The following BRDT variants were observed in gnomAD, a reference collection of about 807,000 sequenced individuals.
BRDT encodes the protein bromodomain testis associated, also known as bromodomain testis-specific protein.
Under a neutral mutation model 113.9 loss-of-function variants are expected in BRDT, and 77 were observed. The ratio of observed to expected loss-of-function variants is 0.68; its 90% confidence interval spans 0.56 to 0.82. The LOEUF (loss-of-function observed/expected upper bound fraction) is 0.82. Ranked by LOEUF, BRDT falls within the 40% of genes least tolerant of loss-of-function variation. The probability of loss-of-function intolerance (pLI) is 0.00; values close to 1 mark genes in which losing one functional copy is unlikely to be tolerated. For synonymous variants in BRDT, 358 were observed against 366.5 expected, an observed-to-expected ratio of 0.98 and a Z score of 0.26; for missense variants, 1,027 against 1,105.4, an observed-to-expected ratio of 0.93 and a Z score of 1.01.
intron 18 of BRDT, among the ~76,000 whole-genome samples, chr1:92,006,530 G>A (rs1687320469): frequency 6.6e-6 from 1 of 150,836 alleles, no homozygotes; most frequent in African/African-American, 2.4e-5. Flanking sequence ...GCAGTGGTGT[G>A]ATCTCGGCTC....
intron 3 of BRDT, among the ~76,000 whole-genome samples, chr1:91,967,063 C>A (rs1172121719): frequency 6.6e-6 from 1 of 151,838 alleles, no homozygotes; most frequent in Non-Finnish European, 1.5e-5. Flanking sequence ...AGTGAGACTT[C>A]GTCGTTGAAT....
intron 5 of BRDT, 82 bp downstream of exon 5, chr1:91,976,520 G>T: frequency 7.7e-7 from 1 of 1,298,704 alleles, no homozygotes; most frequent in South Asian, 1.8e-5. Flanking sequence ...AGTCTTCAGC[G>T]TCTAGCAATT....
intron 1 of BRDT, chr1:91,957,604 C>T (rs996596826): frequency 1.3e-5 from 2 of 152,174 alleles, no homozygotes; most frequent in Non-Finnish European, 1.5e-5. Context: ...CAGAGTGGTA[C>T]GTTTGTTACA....
chr1:91,950,173 G>C (rs1021411234), intron 1 of BRDT: 3 of 152,292 alleles, frequency 2.0e-5, no homozygotes, highest in African/African-American at 7.2e-5. Context: ...AGGAGGCCGG[G>C]TGCAGTGGCT....
chr1:91,962,984 A>T, intron 2 of BRDT, 38 bp downstream of exon 2: 2 of 1,439,364 alleles, frequency 1.4e-6, no homozygotes, highest in Non-Finnish European at 1.9e-6. Context: ...TCAAAAAAAG[A>T]AAACTCCTGT....
At chr1:91,976,524 A>G (rs1684157426) in intron 5 of BRDT, 86 bp downstream of exon 5, 1 of 1,280,468 alleles carries the variant, frequency 7.8e-7, no homozygotes, top group South Asian at 1.8e-5. Flanking sequence ...TTCAGCGTCT[A>G]GCAATTTTTC....
chr1:91,951,861 C>T (rs891052405), intron 1 of BRDT, among the ~76,000 whole-genome samples: 118 of 152,126 alleles, frequency 7.8e-4, no homozygotes, highest in African/African-American at 2.8e-3. Context: ...GCCTGGCCAA[C>T]ATGGCGAAAC....
intron 6 of BRDT, among the ~76,000 whole-genome samples, chr1:91,977,748 C>G (rs564037986): frequency 1.3e-5 from 2 of 150,914 alleles, no homozygotes; most frequent in East Asian, 3.9e-4. Flanking sequence ...GCATGCCTAT[C>G]GTTCCAGCTA....
intron 4 of BRDT, among the ~76,000 whole-genome samples, chr1:91,974,939 A>C (rs539228366): frequency 1.3e-5 from 2 of 152,352 alleles, no homozygotes; most frequent in African/African-American, 4.8e-5. Context: ...ATACCATGGA[A>C]TACTATGAAG....
chr1:91,955,350 A>C (rs1405690920), intron 1 of BRDT, among the ~76,000 whole-genome samples: 1 of 152,052 alleles, frequency 6.6e-6, no homozygotes, highest in East Asian at 1.9e-4. Context: ...GCTACTAGGG[A>C]GGCTGAGGCA....
intron 1 of BRDT, among the ~76,000 whole-genome samples, chr1:91,958,775 GCGGGGAAC>G (rs1682083987): frequency 6.6e-6 from 1 of 152,068 alleles, no homozygotes; most frequent in African/African-American, 2.4e-5. Context: ...AGAAAATGAG[GCGGGGAAC>G]CGTGGGCTTA....
chr1:91,969,634 A>G (rs925908245), intron 4 of BRDT, among the ~76,000 whole-genome samples: 20 of 152,030 alleles, frequency 1.3e-4, no homozygotes, highest in African/African-American at 4.8e-4. Context: ...GACTTAATTT[A>G]TTACCCTTAG....
chr1:91,977,019 T>C (rs1684206482), intron 5 of BRDT, 24 bp from the exon 6 acceptor site: 4 of 1,506,636 alleles, frequency 2.7e-6, no homozygotes, highest in Non-Finnish European at 3.6e-6. Context: ...AATATATTTT[T>C]GTTGTTGAAT....
At chr1:92,000,537 C>G (rs1031673945) in intron 15 of BRDT, among the ~76,000 whole-genome samples, 1 of 152,172 alleles carries the variant, frequency 6.6e-6, no homozygotes, top group African/African-American at 2.4e-5. Context: ...TTCTTCTAAC[C>G]TCAACCTCAG....
chr1:91,986,041 G>A (rs1342526986), intron 12 of BRDT, among the ~76,000 whole-genome samples: 1 of 152,170 alleles, frequency 6.6e-6, no homozygotes, highest in East Asian at 1.9e-4. Flanking sequence ...GTCAGCATAT[G>A]CAGATAAGTC....
chr1:92,008,251 T>C lies in BRDT; in HGVS notation c.2775+2952T>C, dbSNP rs1412696323. Among the ~76,000 whole-genome samples the C allele has an allele frequency of 3.3e-5, 5 of 152,336 alleles. No homozygotes were observed. The East Asian group carries it at 5.8e-4, about 18-fold the overall frequency. ...TGTTTAGATCCAGATATCCAAATAG[T>C]GTAATTTTCCTTTTGCATAAAGGAC... On this transcript the variant is annotated intron_variant, in intron 18 of 18. Coordinates refer to ENST00000399546, the MANE Select transcript of BRDT (RefSeq NM_207189.4).
intron 18 of BRDT, among the ~76,000 whole-genome samples, chr1:92,006,447 TTTTGTTTG>T (rs371990391): frequency 5.1e-4 from 78 of 152,014 alleles, no homozygotes; most frequent in African/African-American, 1.6e-3. Flanking sequence ...GGGAGCTTGC[TTTTGTTTG>T]TTTGTTTGTT....
chr1:92,004,941 T>C (rs1687168694), intron 17 of BRDT, among the ~76,000 whole-genome samples, 178 bp from the exon 18 acceptor site: 1 of 152,234 alleles, frequency 6.6e-6, no homozygotes, highest in Non-Finnish European at 1.5e-5. Context: ...AACCATTTAT[T>C]TGTTAATATG....
At chr1:91,981,994 C>T (rs1684775440) in intron 12 of BRDT, among the ~76,000 whole-genome samples, 1 of 152,038 alleles carries the variant, frequency 6.6e-6, no homozygotes, top group African/African-American at 2.4e-5. Flanking sequence ...AAAAAGTTTA[C>T]TCAAGGAGGG....
Sources: gnomAD v4.1 joint callset for allele counts (sites outside exome capture counted in the v4.1 genomes callset) on GRCh38, gnomAD v4.1.1 for gene constraint, MANE v1.5 for transcripts, NCBI Gene and HGNC (gene_info 2026-07-23, HGNC 2026-07-21) for gene names.